The following ZNF423 variants were observed in gnomAD, a reference collection of about 807,000 sequenced individuals.
ZNF423 encodes the protein zinc finger protein 423.
Under a neutral mutation model 95.8 loss-of-function variants are expected in ZNF423, and 12 were observed. The observed-to-expected ratio is 0.13, with a 90% CI of 0.08 to 0.20. ZNF423 has a LOEUF of 0.20. Among genes scored for constraint, ZNF423 ranks in the 10% least tolerant of loss-of-function variants. ZNF423 has a pLI of 1.00. For synonymous variants in ZNF423, 749 were observed against 711.9 expected (o/e 1.05, Z -0.83); for missense variants, 1,316 against 1,737.1 (o/e 0.76, Z 4.31).
intron 5 of ZNF423, among the ~76,000 whole-genome samples, chr16:49,559,769 A>G (rs76368810): frequency 0.038 from 5,713 of 152,240 alleles, 355 homozygotes; most frequent in African/African-American, 0.13. Flanking sequence ...CTAGAATTTC[A>G]TGGGTATTTC....
At chr16:49,703,492 C>T (rs775789297) in intron 3 of ZNF423, among the ~76,000 whole-genome samples, 2 of 152,216 alleles carry the variant, frequency 1.3e-5, no homozygotes, top group Non-Finnish European at 2.9e-5. Context: ...GACCAGAATC[C>T]TATCCTCAAC....
chr16:49,562,206 C>T (rs1336869754), intron 5 of ZNF423, among the ~76,000 whole-genome samples: 1 of 152,164 alleles, frequency 6.6e-6, no homozygotes, highest in Non-Finnish European at 1.5e-5. Context: ...AAGGGAGAAG[C>T]AGAGAAAAAC....
intron 3 of ZNF423, among the ~76,000 whole-genome samples, chr16:49,703,699 C>T (rs2032264219): frequency 6.6e-6 from 1 of 152,244 alleles, no homozygotes; most frequent in Admixed American, 6.5e-5. Flanking sequence ...AAGGGTGGAT[C>T]CGGCTCTGCT....
intron 2 of ZNF423, among the ~76,000 whole-genome samples, chr16:49,782,244 T>C (rs1319564039): frequency 6.6e-6 from 1 of 152,248 alleles, no homozygotes; most frequent in Non-Finnish European, 1.5e-5. Context: ...ATGTCTGCCA[T>C]CTACAGTTGA....
intron 1 of ZNF423, among the ~76,000 whole-genome samples, chr16:49,833,658 G>C (rs1363405399): frequency 6.7e-6 from 1 of 148,800 alleles, no homozygotes; most frequent in Non-Finnish European, 1.5e-5. Flanking sequence ...CCCAGAAGAC[G>C]GACAGATGTC....
chr16:49,521,907 C>G (rs915915842), intron 7 of ZNF423, among the ~76,000 whole-genome samples: 3 of 152,240 alleles, frequency 2.0e-5, no homozygotes, highest in African/African-American at 7.2e-5. Context: ...CTCCAGGCAA[C>G]AGCCACCACC....
chr16:49,825,843 A>C (rs2034999886), intron 1 of ZNF423, among the ~76,000 whole-genome samples: 1 of 152,200 alleles, frequency 6.6e-6, no homozygotes, highest in Non-Finnish European at 1.5e-5. Context: ...CCTAAGACAC[A>C]GGCGGTTCCA....
chr16:49,740,449 A>C (rs1351626360), intron 2 of ZNF423, among the ~76,000 whole-genome samples: 1 of 152,190 alleles, frequency 6.6e-6, no homozygotes, highest in African/African-American at 2.4e-5. Context: ...GCTGGCCCCA[A>C]ATTCCAAAAG....
chr16:49,654,693 G>A (rs774585641), intron 3 of ZNF423, among the ~76,000 whole-genome samples: 12 of 152,310 alleles, frequency 7.9e-5, no homozygotes, highest in African/African-American at 2.4e-4. Context: ...ATTTTAGGGC[G>A]CAGCCAAGAT....
intron 7 of ZNF423, among the ~76,000 whole-genome samples, chr16:49,519,200 G>C (rs988802903): frequency 6.6e-6 from 1 of 152,208 alleles, no homozygotes; most frequent in Non-Finnish European, 1.5e-5. Flanking sequence ...AAGGGACAAC[G>C]AGCAGGCCTC....
At chr16:49,663,357 C>T (rs780467135) in intron 3 of ZNF423, among the ~76,000 whole-genome samples, 4 of 152,184 alleles carry the variant, frequency 2.6e-5, no homozygotes, top group Non-Finnish European at 4.4e-5. Context: ...AAGTGGCTGG[C>T]CACGAGAAAC....
At chr16:49,753,438 GA>G (rs35833357) in intron 2 of ZNF423, among the ~76,000 whole-genome samples, 60,722 of 130,770 alleles carry the variant, frequency 0.46, 12,749 homozygotes, top group Middle Eastern at 0.57. Flanking sequence ...CCTGTCTACA[GA>G]AAAAAAAAAA....
chr16:49,817,729 A>C (rs2144004437), intron 1 of ZNF423, among the ~76,000 whole-genome samples: 1 of 152,302 alleles, frequency 6.6e-6, no homozygotes, highest in African/African-American at 2.4e-5. Flanking sequence ...CCACCATGTC[A>C]CTTATCCCAG....
intron 5 of ZNF423, among the ~76,000 whole-genome samples, chr16:49,568,237 T>G (rs1970253183): frequency 6.6e-6 from 1 of 152,116 alleles, no homozygotes; most frequent in South Asian, 2.1e-4. Flanking sequence ...TAAAGGACTC[T>G]CCTGTCATGG....
intron 5 of ZNF423, among the ~76,000 whole-genome samples, chr16:49,577,127 G>A (rs1970524740): frequency 6.6e-6 from 1 of 152,212 alleles, no homozygotes; most frequent in African/African-American, 2.4e-5. Flanking sequence ...AAGACCTGGG[G>A]TCAGGCCAGC....
chr16:49,534,311 T>C (rs1445675543), intron 5 of ZNF423, among the ~76,000 whole-genome samples: 2 of 151,914 alleles, frequency 1.3e-5, no homozygotes, highest in Admixed American at 6.6e-5. Context: ...TGGAGTGCCA[T>C]GGCACGTTCT....
intron 4 of ZNF423, among the ~76,000 whole-genome samples, chr16:49,634,735 G>A (rs1213615131): frequency 6.6e-6 from 1 of 152,136 alleles, no homozygotes; most frequent in African/African-American, 2.4e-5. Flanking sequence ...CAGACTCAAT[G>A]GGAACCCCAC....
At chr16:49,562,756 G>C (rs1970058856) in intron 5 of ZNF423, among the ~76,000 whole-genome samples, 1 of 152,146 alleles carries the variant, frequency 6.6e-6, no homozygotes, top group East Asian at 1.9e-4. Context: ...ACGTTCATTG[G>C]GTACTTAAAT....
intron 3 of ZNF423, among the ~76,000 whole-genome samples, chr16:49,656,384 G>A (rs1412929136): frequency 4.6e-5 from 7 of 152,134 alleles, no homozygotes; most frequent in South Asian, 2.1e-4. Context: ...GGTGGTGCAC[G>A]CCTGTAACCC....
Sources: allele counts gnomAD v4.1 joint callset (sites outside exome capture counted in the v4.1 genomes callset), GRCh38; gene constraint gnomAD v4.1.1; transcripts MANE v1.5; gene names NCBI Gene and HGNC (gene_info 2026-07-23, HGNC 2026-07-21).